Variants in RGMA observed in about 807,000 individuals in gnomAD.
RGMA encodes the protein repulsive guidance molecule A.
A neutral mutation model predicts 23.2 loss-of-function variants in RGMA; 10 were observed. The ratio of observed to expected loss-of-function variants is 0.43; its 90% CI spans 0.27 to 0.73. The LOEUF (loss-of-function observed/expected upper bound fraction) is 0.73. Among genes scored for constraint, RGMA ranks in the 30% least tolerant of loss-of-function variants. The pLI is 0.20. For missense variants in RGMA, 547 were observed against 630.5 expected (o/e 0.87, Z 1.42); for synonymous variants, 308 against 279.3 (o/e 1.10, Z -1.03).
At chr15:93,050,412 A>T (rs1776238437) in intron 3 of RGMA, among the ~76,000 whole-genome samples, 1 of 152,182 alleles carries the variant, frequency 6.6e-6, no homozygotes, top group South Asian at 2.1e-4. Context: ...GGCCACAGAC[A>T]CTGACGCTGT....
chr15:93,066,412 G>A (rs1452995430), intron 2 of RGMA: 8 of 671,578 alleles, frequency 1.2e-5, no homozygotes, highest in Non-Finnish European at 2.2e-5. Flanking sequence ...GGGGGCGGGG[G>A]TTTCCAAGGC....
At position 93,036,632 on chromosome 15, in the gene RGMA, C is replaced by T. The variant is rs7168081; in HGVS notation, c.*8366G>A. 0.39 allele frequency: 59,589 copies of T among 152,292 alleles called. 12,504 individuals are homozygous for T. Among genetic ancestry groups the T allele is most frequent in the African/African-American group, 0.45 (18,651 of 41,494 alleles). The allele number at this position is 152,292 out of a possible 1,614,324, so 9.4% of individuals were successfully genotyped here. On this transcript the variant is annotated 3_prime_UTR_variant, in exon 4 of 4. Coordinates refer to ENST00000329082, the MANE Select transcript of RGMA (RefSeq NM_020211.3). The stretch of plus-strand genomic sequence containing the variant: ...TGGGGGCCTGGCCCCACCCTCTGCT[C>T]ACCCCAGAACCAGAGCCCTGGTTTG...
chr15:93,064,959 A>C (rs938222818), intron 2 of RGMA, among the ~76,000 whole-genome samples: 3 of 152,014 alleles, frequency 2.0e-5, no homozygotes, highest in Non-Finnish European at 2.9e-5. Context: ...CACAGTACAG[A>C]GTCCAATATA....
chr15:93,049,305 T>C lies in RGMA; in HGVS notation c.645+2688A>G, dbSNP rs1393107085. ...GAGAAGATCCCTATGCTTCAGGGGG[T>C]CGCAGACTAAGCAAATGAATCATGC... is the stretch of plus-strand genomic sequence containing the variant. On this transcript the variant is annotated intron_variant, in intron 3 of 3. Coordinates refer to ENST00000329082, the MANE Select transcript of RGMA (RefSeq NM_020211.3). Among the ~76,000 whole-genome samples the C allele has an allele frequency of 7.2e-5, 11 of 151,762 alleles. No homozygotes were observed. In the East Asian group the frequency reaches 2.1e-3, roughly 29 times the overall value.
chr15:93,071,981 A>AC (rs1895341596), intron 2 of RGMA, among the ~76,000 whole-genome samples: 1 of 152,256 alleles, frequency 6.6e-6, no homozygotes, highest in South Asian at 2.1e-4. Flanking sequence ...TAGCAAGAAA[A>AC]AAAATGGGTA....
At chr15:93,065,928 C>A in intron 2 of RGMA, 1 of 755,298 alleles carries the variant, frequency 1.3e-6, no homozygotes, top group Non-Finnish European at 2.3e-6. Context: ...GAGGGACTCG[C>A]ACAAACCACC....
At chr15:93,066,425 CCGT>C in intron 2 of RGMA, 3 of 643,734 alleles carry the variant, frequency 4.7e-6, no homozygotes, top group Non-Finnish European at 5.8e-6. Context: ...TCCAAGGCCG[CCGT>C]CGTTGCCAGG....
In RGMA at chr15:93,052,279, G is replaced by A. The variant is rs950217630; in HGVS notation, c.359C>T (p.Pro120Leu). ...CGTGCGCAGGCGTGGCTGCGAGGTG[G>A]GGCCATCCTTGGAGCAGTTGTGCTG... ...MSQHNCSKDG[P>L]TSQPRLRTLP... The change falls in exon 3 of 4, where the codon CCC (proline) becomes CTC (leucine). Residue 120 changes from proline to leucine, a missense_variant. Around this residue, in one of 3 missense-constraint regions of RGMA, gnomAD observed 214 missense variants for 234.7 expected, o/e 0.91. Coordinates refer to ENST00000329082, the MANE Select transcript of RGMA (RefSeq NM_020211.3). 1.2e-6 allele frequency: 2 copies of A among 1,602,656 alleles called. No homozygotes were observed. The highest frequency in any genetic ancestry group is 1.3e-5 in the African/African-American group (1 of 74,870).
At chr15:93,052,605 A>G (rs528854483) in intron 2 of RGMA, 98 bp from the exon 3 acceptor site, 6 of 1,329,990 alleles carry the variant, frequency 4.5e-6, no homozygotes, top group African/African-American at 2.9e-5. Context: ...ACATCGCCTC[A>G]TCTAGGGCAG....
Position 93,045,840 on chromosome 15 carries a change from T to C in RGMA, c.646-135A>G, listed in dbSNP as rs1266118340. 6 of 650,124 alleles carry C rather than the reference T, an allele frequency of 9.2e-6. No homozygotes were observed. Among genetic ancestry groups the C allele is most frequent in the African/African-American group, 1.8e-5 (1 of 55,348 alleles). 40.3% of individuals were successfully genotyped at this position (650,124 alleles called of 1,614,324 possible). On this transcript the variant is annotated intron_variant, in intron 3 of 3. Transcript: ENST00000329082. The surrounding 1 kb of genome is among the most constrained non-coding windows in gnomAD (Gnocchi z 6.9). ...TGCCCCAGACACTCCCTTCTCCAGG[T>C]TGGACAGATCAGTTCCACCTGCGCA...
In RGMA at chr15:93,052,500, G is replaced by A. The variant is rs377611885; in HGVS notation, c.138C>T (p.Ser46=). Reference sequence around the variant, plus strand: ...AGTTGCACTTGAGGATCTTGCACGGGGAGGTGGCTGAGGAGAAAGGAACGA... The same window carrying A: ...AGTTGCACTTGAGGATCTTGCACGGAGAGGTGGCTGAGGAGAAAGGAACGA... ...FLLCSFPAAT[S]PCKILKCNSE... Residue 46 remains serine, a synonymous_variant, in exon 3 of 4, where the codon TCC becomes TCT. Transcript: ENST00000329082. The A allele has an allele frequency of 6.4e-7, 1 of 1,569,232 alleles. No individual in the cohort carries two copies. The highest frequency in any genetic ancestry group is 1.7e-5 in the Admixed American group (1 of 58,934).
chr15:93,073,498 T>A, intron 1 of RGMA: 1 of 1,323,554 alleles, frequency 7.6e-7, no homozygotes, highest in Non-Finnish European at 1.0e-6. Flanking sequence ...GACGCCCCCT[T>A]AATCCCCTCC....
At chr15:93,054,974 C>T (rs969637156) in intron 2 of RGMA, among the ~76,000 whole-genome samples, 2 of 152,054 alleles carry the variant, frequency 1.3e-5, no homozygotes, top group African/African-American at 4.8e-5. Context: ...GTGGTGGGGG[C>T]GTGTATGGGG....
chr15:93,086,832 C>T (rs570881336), intron 1 of RGMA, among the ~76,000 whole-genome samples: 2 of 152,160 alleles, frequency 1.3e-5, no homozygotes, highest in Non-Finnish European at 2.9e-5. Context: ...TTATTACATA[C>T]ACTGGGAAGC....
In RGMA at chr15:93,036,594, G is replaced by A. The variant is rs2054663627; in HGVS notation, c.*8404C>T. ...TGCCTGCCCTTTGAGCCCCTCCTCA[G>A]TCAGCCTCCCAGTGGGGGCCTGGCC... On this transcript the variant is annotated 3_prime_UTR_variant, in exon 4 of 4. Coordinates refer to ENST00000329082, the MANE Select transcript of RGMA (RefSeq NM_020211.3). 6.6e-6 allele frequency: 1 copy of A among 152,498 alleles called. No individual in the cohort carries two copies. Among genetic ancestry groups the A allele is most frequent in the African/African-American group, 2.4e-5 (1 of 41,446 alleles). 9.4% of individuals were successfully genotyped at this position (152,498 alleles called of 1,614,324 possible).
chr15:93,046,780 G>A (rs904052773), intron 3 of RGMA, among the ~76,000 whole-genome samples: 4 of 151,622 alleles, frequency 2.6e-5, no homozygotes, highest in African/African-American at 7.2e-5. Context: ...AAGGGAGATG[G>A]AGGTTCCAGG....
rs2054740173 is a variant in RGMA at position 93,042,726 on chromosome 15, C to T, written c.*2272G>A. 6.6e-6 allele frequency: 1 copy of T among 152,272 alleles called. No homozygotes were observed. Among genetic ancestry groups the T allele is most frequent in the Admixed American group, 6.5e-5 (1 of 15,290 alleles). The allele number at this position is 152,272 out of a possible 1,614,324, so 9.4% of individuals were successfully genotyped here. ...CGGCAAAATGGGCCTGAATTTCTTC[C>T]TGATTCACTGGGTAGTTTGTACAGA... On this transcript the variant is annotated 3_prime_UTR_variant, in exon 4 of 4. Coordinates refer to ENST00000329082, the MANE Select transcript of RGMA (RefSeq NM_020211.3).
intron 3 of RGMA, among the ~76,000 whole-genome samples, chr15:93,050,495 C>T (rs963917773): frequency 7.9e-5 from 12 of 152,176 alleles, no homozygotes; most frequent in African/African-American, 1.7e-4. Context: ...AGGTGGCCTT[C>T]GGTTGCAGCA....
At chr15:93,069,501 C>T (rs1265245622) in intron 2 of RGMA, among the ~76,000 whole-genome samples, 2 of 152,160 alleles carry the variant, frequency 1.3e-5, no homozygotes, top group African/African-American at 2.4e-5. Context: ...CTTGGTCTCC[C>T]GAAACCTTAG....
Sources: gnomAD v4.1 joint callset for allele counts (sites outside exome capture counted in the v4.1 genomes callset) on GRCh38, gnomAD v4.1.1 for gene constraint, gnomAD v4.1.1 regional missense constraint, Gnocchi (gnomAD v3.1) non-coding constraint, MANE v1.5 for transcripts, NCBI Gene and HGNC (gene_info 2026-07-23, HGNC 2026-07-21) for gene names.